Variants in URAD observed in about 807,000 individuals in gnomAD.
URAD encodes the protein ureidoimidazoline (2-oxo-4-hydroxy-4-carboxy-5-) decarboxylase.
A neutral mutation model predicts 4.6 loss-of-function variants in URAD; 4 were observed. The observed-to-expected ratio is 0.87, with a 90% CI of 0.43 to 1.98. URAD has a LOEUF of 1.98. Among genes scored for constraint, URAD ranks in the 30% most tolerant of loss-of-function variants. URAD has a pLI of 0.03. For missense variants in URAD, 300 were observed against 255.3 expected (o/e 1.18, Z -1.19); for synonymous variants, 144 against 118.2 (o/e 1.22, Z -1.41).
chr13:27,978,313 G>A lies in URAD; in HGVS notation c.315C>T (p.Ala105=), dbSNP rs753462735. 1 of 1,396,960 alleles carries A rather than the reference G, an allele frequency of 7.2e-7. No individual in the cohort carries two copies. Among genetic ancestry groups the A allele is most frequent in the Non-Finnish European group, 9.2e-7 (1 of 1,083,434 alleles). 86.5% of individuals were successfully genotyped at this position (1,396,960 alleles called of 1,614,324 possible). Residue 105 remains alanine (A), a synonymous_variant, in exon 2 of 2, where the codon GCC becomes GCT. Transcript: ENST00000332715. ...GCGCGCGGTACTGCGCGTTGAGCTC[G>A]GCCAGCCGCAGCCGCTCGTCCGCGC... The part of the protein sequence containing the change: ...SLGADERLRL[A]ELNAQYRARF...
rs1186216894 is a variant in URAD, at chr13:27,979,601, T to A, written c.176-1149A>T. On this transcript the variant is annotated intron_variant, in intron 1 of 1. Transcript: ENST00000332715. Reference sequence around the variant, plus strand: ...TAAACCCAGTGGAACTGGACTGAAGTGCCTCAGGAAGTACCTGTCTCTGTA... The same window carrying A: ...TAAACCCAGTGGAACTGGACTGAAGAGCCTCAGGAAGTACCTGTCTCTGTA... Among the ~76,000 whole-genome samples the A allele has an allele frequency of 2.6e-5, 4 of 152,352 alleles. No individual in the cohort carries two copies. The East Asian group carries it at 5.8e-4, about 22-fold the overall frequency.
chr13:27,983,379 G>GGA (rs1869930436), intron 1 of URAD, among the ~76,000 whole-genome samples: 1 of 152,068 alleles, frequency 6.6e-6, no homozygotes, highest in Non-Finnish European at 1.5e-5. Flanking sequence ...ACTGGTGCGT[G>GGA]CTACCATGCC....
At position 27,981,513 on chromosome 13, in the gene URAD, G is replaced by A. The variant is rs369570998; in HGVS notation, c.176-3061C>T. ...TAGGTGTGGATGTGTGTTATTTGCC[G>A]GGACCACAGGACCTGAATCTTTACA... On this transcript the variant is annotated intron_variant, in intron 1 of 1. Coordinates refer to ENST00000332715, the MANE Select transcript of URAD (RefSeq NM_001105577.2). Among the ~76,000 whole-genome samples the A allele has an allele frequency of 1.0e-3, 158 of 152,264 alleles. 2 individuals carry two copies. The highest frequency in any genetic ancestry group is 2.9e-3 in the African/African-American group (121 of 41,556).
Position 27,977,947 on chromosome 13 carries a change from C to T in URAD, c.*159G>A, listed in dbSNP as rs1411587523. Reference sequence around the variant, plus strand: ...GCGTGTGGGTGGGCGGACAAAAGGACTCATTACTCGTATGATTGCCTCAAT... The same window carrying T: ...GCGTGTGGGTGGGCGGACAAAAGGATTCATTACTCGTATGATTGCCTCAAT... On this transcript the variant is annotated 3_prime_UTR_variant, in exon 2 of 2. Coordinates refer to ENST00000332715, the MANE Select transcript of URAD (RefSeq NM_001105577.2). 3 of 585,404 alleles carry T rather than the reference C, an allele frequency of 5.1e-6. No homozygotes were observed. The East Asian group carries it at 1.1e-4, about 21-fold the overall frequency. 36.3% of individuals were successfully genotyped at this position (585,404 alleles called of 1,614,324 possible). A position where few individuals can be genotyped will look rare whatever the true frequency, so the allele number is the denominator to read the frequency against.
intron 1 of URAD, among the ~76,000 whole-genome samples, chr13:27,981,309 C>T (rs1869871666): frequency 1.3e-5 from 2 of 152,168 alleles, no homozygotes; most frequent in South Asian, 4.1e-4. Flanking sequence ...GGATACTGGG[C>T]AAGTAGGTGC....
chr13:27,984,978 C>CA (rs11414435), intron 1 of URAD, among the ~76,000 whole-genome samples: 16,870 of 151,704 alleles, frequency 0.11, 1,061 homozygotes, highest in Middle Eastern at 0.15. Context: ...GACTCCATCT[C>CA]AAAAAAACAA....
chr13:27,982,666 C>A (rs1298589166), intron 1 of URAD, among the ~76,000 whole-genome samples: 1 of 152,142 alleles, frequency 6.6e-6, no homozygotes, highest in Non-Finnish European at 1.5e-5. Flanking sequence ...TGTTTTGATG[C>A]AACTGAGCAG....
At chr13:27,979,670 T>TG (rs2137554800) in intron 1 of URAD, among the ~76,000 whole-genome samples, 1 of 152,318 alleles carries the variant, frequency 6.6e-6, no homozygotes, top group South Asian at 2.1e-4. Context: ...GGAATAGGCG[T>TG]GGGGTCTGTT....
chr13:27,984,162 C>T (rs1340913878), intron 1 of URAD, among the ~76,000 whole-genome samples: 1 of 152,192 alleles, frequency 6.6e-6, no homozygotes, highest in Non-Finnish European at 1.5e-5. Flanking sequence ...ATCCTCCCAC[C>T]TCAGACTCCC....
intron 1 of URAD, among the ~76,000 whole-genome samples, chr13:27,984,477 A>C (rs530983086): frequency 1.3e-5 from 2 of 152,304 alleles, no homozygotes; most frequent in East Asian, 3.9e-4. Flanking sequence ...TCATAGCAGA[A>C]CCTAAATGGA....
chr13:27,981,022 CT>C (rs1311815585), intron 1 of URAD, among the ~76,000 whole-genome samples: 76 of 71,160 alleles, frequency 1.1e-3, no homozygotes, highest in African/African-American at 2.8e-3. Flanking sequence ...CTCTCTCTCT[CT>C]CTCTCCTCTC....
At chr13:27,979,647 G>T (rs1011190140) in intron 1 of URAD, among the ~76,000 whole-genome samples, 5 of 152,214 alleles carry the variant, frequency 3.3e-5, no homozygotes, top group African/African-American at 1.2e-4. Flanking sequence ...GCGGTTGTCC[G>T]CCTCTGGCGC....
At chr13:27,980,722 C>A (rs745502567) in intron 1 of URAD, among the ~76,000 whole-genome samples, 1 of 152,178 alleles carries the variant, frequency 6.6e-6, no homozygotes, top group African/African-American at 2.4e-5. Context: ...ACCAGGCTCC[C>A]CGCGCAGGCC....
At position 27,977,751 on chromosome 13, in the gene URAD, C is replaced by T; in HGVS notation, c.*355G>A. On this transcript the variant is annotated 3_prime_UTR_variant, in exon 2 of 2. Coordinates refer to ENST00000332715, the MANE Select transcript of URAD (RefSeq NM_001105577.2). ...AAAGATTCCTTTTCCGTCCGTTTTGCTTTGCAGTTCGGGCTTAGCAGGAGA... is the reference window on the plus strand; with the variant it reads ...AAAGATTCCTTTTCCGTCCGTTTTGTTTTGCAGTTCGGGCTTAGCAGGAGA... 1 of 284,688 alleles carries T rather than the reference C, an allele frequency of 3.5e-6. No individual in the cohort carries two copies. The highest frequency in any genetic ancestry group is 6.5e-6 in the Non-Finnish European group (1 of 153,088). The allele number at this position is 284,688 out of a possible 1,614,324, so 17.6% of individuals were successfully genotyped here.
intron 1 of URAD, among the ~76,000 whole-genome samples, chr13:27,980,500 C>G (rs1869843329): frequency 6.6e-6 from 1 of 152,206 alleles, no homozygotes; most frequent in Admixed American, 6.5e-5. Flanking sequence ...GCCCGGGCTG[C>G]GGAGGAGGGG....
intron 1 of URAD, 90 bp from the exon 2 acceptor site, chr13:27,978,542 C>A (rs1869787239): frequency 9.9e-7 from 1 of 1,014,194 alleles, no homozygotes; most frequent in South Asian, 4.2e-5. Context: ...CGCGCCCGGC[C>A]CCCCTGCCCC....
rs374843461 is a variant in URAD at position 27,978,836 on chromosome 13, G to A, written c.176-384C>T. ...CTAGGTCGGGAGGGAGCAGAGACGC[G>A]ATAAGGATCCTGAGCTTTTCCTATC... On this transcript the variant is annotated intron_variant, in intron 1 of 1. Transcript: ENST00000332715. Among the ~76,000 whole-genome samples the A allele has an allele frequency of 9.2e-5, 14 of 152,302 alleles. No individual in the cohort carries two copies. The East Asian group carries it at 1.6e-3, about 17-fold the overall frequency.
chr13:27,988,462 C>A lies in URAD; in HGVS notation c.175+1G>T, dbSNP rs760532638. On this transcript the variant is annotated splice_donor_variant, in intron 1 of 1. Transcript: ENST00000332715. LOFTEE classifies it high-confidence loss of function. ...GAGAATGTCTGATACGGAAGCCTTA[C>A]CTGACTGTGCAAGGGCATCAATAAA... is the stretch of plus-strand genomic sequence containing the variant. 3 of 1,592,406 alleles carry A rather than the reference C, an allele frequency of 1.9e-6. No homozygotes were observed. Among genetic ancestry groups the A allele is most frequent in the East Asian group, 2.2e-5 (1 of 44,574 alleles).
intron 1 of URAD, among the ~76,000 whole-genome samples, chr13:27,987,913 G>GATAA (rs941044925): frequency 3.1e-5 from 4 of 130,984 alleles, no homozygotes; most frequent in African/African-American, 1.1e-4. Context: ...TAGATAGATA[G>GATAA]ATAGATAGAT....
Sources: gnomAD v4.1 joint callset for allele counts (sites outside exome capture counted in the v4.1 genomes callset) on GRCh38, gnomAD v4.1.1 for gene constraint, MANE v1.5 for transcripts, NCBI Gene and HGNC (gene_info 2026-07-23, HGNC 2026-07-21) for gene names.